Variants in TMEM132B observed in about 807,000 individuals in gnomAD.
TMEM132B encodes transmembrane protein 132B.
TMEM132B carries 18 observed loss-of-function variants against 90.8 expected under a neutral mutation model. The observed-to-expected ratio is 0.20, with a 90% CI of 0.14 to 0.29. TMEM132B has a LOEUF of 0.29. TMEM132B is among the 10% of genes least tolerant of loss of function. The pLI is 1.00. For missense variants in TMEM132B, 1,096 were observed against 1,326.8 expected, an observed-to-expected ratio of 0.83 and a Z score of 2.70; for synonymous variants, 504 against 523.3, an observed-to-expected ratio of 0.96 and a Z score of 0.50.
At chr12:125,633,882 C>T (rs1325556294) in intron 5 of TMEM132B, among the ~76,000 whole-genome samples, 4 of 152,208 alleles carry the variant, frequency 2.6e-5, no homozygotes, top group African/African-American at 9.6e-5. Context: ...GACCTGAAGC[C>T]AGCACAGCAC....
intron 5 of TMEM132B, among the ~76,000 whole-genome samples, chr12:125,611,186 C>T (rs1452496053): frequency 6.6e-6 from 1 of 152,036 alleles, no homozygotes; most frequent in African/African-American, 2.4e-5. Context: ...TCTGTTTGCA[C>T]ACAAGTATTC....
intron 3 of TMEM132B, among the ~76,000 whole-genome samples, chr12:125,431,511 T>A (rs914092782): frequency 6.6e-6 from 1 of 152,164 alleles, no homozygotes; most frequent in Non-Finnish European, 1.5e-5. Context: ...GAAATCGTAC[T>A]GAGCGACGTG....
chr12:125,644,367 G>A lies in TMEM132B; in HGVS notation c.1643+86G>A, dbSNP rs73418483. The A allele has an allele frequency of 1.2e-3, 1,767 of 1,459,032 alleles. 19 individuals carry two copies. The African/African-American group carries it at 0.022, about 18-fold the overall frequency. 90.4% of individuals were successfully genotyped at this position (1,459,032 alleles called of 1,614,324 possible). A position where few individuals can be genotyped will look rare whatever the true frequency, so the allele number is the denominator to read the frequency against. ...GGCAAACTGGCCCTCAGGGACTCAA[G>A]CCATTGGGAAGCAACATCCACAGCG... On this transcript the variant is annotated intron_variant, in intron 6 of 8. Transcript: ENST00000682704.
chr12:125,295,087 G>C (rs151121164), intron 1 of TMEM132B, among the ~76,000 whole-genome samples: 30 of 152,300 alleles, frequency 2.0e-4, no homozygotes, highest in African/African-American at 7.0e-4. Flanking sequence ...GCACAAAAAG[G>C]AAGTGAACAA....
intron 3 of TMEM132B, among the ~76,000 whole-genome samples, chr12:125,481,265 G>A (rs1361958148): frequency 6.6e-6 from 1 of 152,118 alleles, no homozygotes; most frequent in Non-Finnish European, 1.5e-5. Flanking sequence ...GGGCAATCAG[G>A]CAAGAGAAAG....
At chr12:125,287,014 T>C (rs917817826) in intron 1 of TMEM132B, among the ~76,000 whole-genome samples, 21 of 118,140 alleles carry the variant, frequency 1.8e-4, no homozygotes, top group African/African-American at 6.2e-4. Context: ...GAATTCCTCT[T>C]TTTTTTTTTT....
intron 4 of TMEM132B, among the ~76,000 whole-genome samples, chr12:125,544,311 G>A (rs1024022071): frequency 3.3e-5 from 5 of 152,086 alleles, no homozygotes; most frequent in African/African-American, 1.2e-4. Flanking sequence ...TAACAAACCT[G>A]CACATCCTGC....
intron 5 of TMEM132B, among the ~76,000 whole-genome samples, chr12:125,616,462 T>C (rs1263008888): frequency 6.6e-6 from 1 of 151,954 alleles, no homozygotes; most frequent in African/African-American, 2.4e-5. Context: ...AGAGAAGAGA[T>C]AGTAAATGTT....
chr12:125,535,320 C>T (rs761941903), intron 4 of TMEM132B, among the ~76,000 whole-genome samples: 2 of 152,080 alleles, frequency 1.3e-5, no homozygotes, highest in South Asian at 2.1e-4. Flanking sequence ...AGATCCTGAG[C>T]GGGGGAAAAG....
intron 5 of TMEM132B, among the ~76,000 whole-genome samples, chr12:125,598,134 C>G (rs752297364): frequency 9.9e-5 from 15 of 152,052 alleles, no homozygotes; most frequent in Non-Finnish European, 1.9e-4. Context: ...AAACCCTGGC[C>G]CTCTAGAAAT....
At chr12:125,634,870 G>A (rs1208971659) in intron 5 of TMEM132B, among the ~76,000 whole-genome samples, 1 of 152,150 alleles carries the variant, frequency 6.6e-6, no homozygotes, top group Non-Finnish European at 1.5e-5. Flanking sequence ...GGTACTGTAA[G>A]CTGTACAGCC....
rs367561921 is a variant in TMEM132B at position 125,644,301 on chromosome 12, G to C, written c.1643+20G>C. ...CAGAAGGTGAGGAATCAAAGAGAAG[G>C]CTGTGGATCCGATTGTCCTGGAGTC... On this transcript the variant is annotated intron_variant, in intron 6 of 8. Transcript: ENST00000682704. 2.5e-6 allele frequency: 4 copies of C among 1,613,058 alleles called. No homozygotes were observed. Among genetic ancestry groups the C allele is most frequent in the Non-Finnish European group, 3.4e-6 (4 of 1,179,494 alleles).
At chr12:125,564,881 T>G (rs1055651555) in intron 4 of TMEM132B, among the ~76,000 whole-genome samples, 5 of 152,212 alleles carry the variant, frequency 3.3e-5, no homozygotes, top group African/African-American at 1.2e-4. Context: ...CAGAGTGTTA[T>G]GGGGCATATT....
chr12:125,598,956 T>C (rs1340670797), intron 5 of TMEM132B, among the ~76,000 whole-genome samples: 1 of 152,202 alleles, frequency 6.6e-6, no homozygotes, highest in East Asian at 1.9e-4. Flanking sequence ...TGCATCAATT[T>C]CCTTCTTGCA....
intron 5 of TMEM132B, among the ~76,000 whole-genome samples, chr12:125,618,648 T>C (rs1886046374): frequency 1.3e-5 from 2 of 152,218 alleles, no homozygotes; most frequent in Non-Finnish European, 2.9e-5. Context: ...TCCATTTAAA[T>C]GGTTAAACCA....
At chr12:125,189,949 C>T (rs1957787134) in intron 1 of TMEM132B, among the ~76,000 whole-genome samples, 1 of 152,076 alleles carries the variant, frequency 6.6e-6, no homozygotes, top group Non-Finnish European at 1.5e-5. Flanking sequence ...GGTCCATTTC[C>T]CCTGAAGCCA....
At chr12:125,556,751 T>TA (rs1290184460) in intron 4 of TMEM132B, among the ~76,000 whole-genome samples, 1 of 152,184 alleles carries the variant, frequency 6.6e-6, no homozygotes, top group Non-Finnish European at 1.5e-5. Context: ...CTATAGACAT[T>TA]ACATCTGTGT....
intron 3 of TMEM132B, among the ~76,000 whole-genome samples, chr12:125,431,693 G>T (rs1435414635): frequency 6.6e-6 from 1 of 152,218 alleles, no homozygotes; most frequent in Non-Finnish European, 1.5e-5. Context: ...TGCTAGACAT[G>T]GTGGCAGCCA....
intron 5 of TMEM132B, among the ~76,000 whole-genome samples, chr12:125,612,539 CATG>C (rs1271652286): frequency 2.1e-5 from 3 of 146,110 alleles, no homozygotes; most frequent in Non-Finnish European, 3.0e-5. Flanking sequence ...TTTTGTACAA[CATG>C]ATGTTTTGAA....
Sources: gnomAD v4.1 joint callset for allele counts (sites outside exome capture counted in the v4.1 genomes callset) on GRCh38, gnomAD v4.1.1 for gene constraint, MANE v1.5 for transcripts, NCBI Gene and HGNC (gene_info 2026-07-23, HGNC 2026-07-21) for gene names.